MELK: variants seen among roughly 807,000 people sequenced by gnomAD.
MELK encodes pEg3 kinase.
MELK carries 81 observed loss-of-function variants against 85.0 expected under a neutral mutation model. The observed-to-expected ratio is 0.95, with a 90% CI of 0.80 to 1.15. The LOEUF is 1.15. Among genes scored for constraint, MELK ranks in the 50% most tolerant of loss-of-function variants. The pLI, the probability that MELK is intolerant of heterozygous loss-of-function variation, is 0.00. For missense variants in MELK, 754 were observed against 777.5 expected, an observed-to-expected ratio of 0.97 and a Z score of 0.36; for synonymous variants, 252 against 265.0, an observed-to-expected ratio of 0.95 and a Z score of 0.48.
Position 36,614,549 on chromosome 9 carries a change from A to G in MELK, c.666+6876A>G, listed in dbSNP as rs1587436152. ...AGGTCAGCAGATAAACAAGTGAACAAAGGTCTCTGGTTTTCCTAGGCAGAG... is the reference window on the plus strand; with the variant it reads ...AGGTCAGCAGATAAACAAGTGAACAGAGGTCTCTGGTTTTCCTAGGCAGAG... On this transcript the variant is annotated intron_variant, in intron 8 of 17. Transcript: ENST00000298048. 2.4e-5 allele frequency among the ~76,000 whole-genome samples: 3 copies of G among 122,594 alleles called. No homozygotes were observed. In the South Asian group the frequency reaches 9.1e-4, roughly 37 times the overall value. 80.4% of individuals were successfully genotyped at this position (122,594 alleles called of 152,430 possible). A position where few individuals can be genotyped will look rare whatever the true frequency, so the allele number is the denominator to read the frequency against.
At chr9:36,620,548 CTT>C (rs747925440) in intron 8 of MELK, among the ~76,000 whole-genome samples, 9,810 of 128,160 alleles carry the variant, frequency 0.077, 696 homozygotes, top group African/African-American at 0.26. Context: ...CATTCTCTTC[CTT>C]TTTTTTTTTT....
At chr9:36,573,460 A>G (rs1234053352) in intron 1 of MELK, among the ~76,000 whole-genome samples, 1 of 152,060 alleles carries the variant, frequency 6.6e-6, no homozygotes, top group African/African-American at 2.4e-5. Flanking sequence ...CTCTCCTATC[A>G]TCTCCCCAGA....
At chr9:36,594,489 T>G (rs1587363073) in intron 4 of MELK, 139 bp from the exon 5 acceptor site, 1 of 887,852 alleles carries the variant, frequency 1.1e-6, no homozygotes, top group East Asian at 2.7e-5. Flanking sequence ...AGTGTACTTT[T>G]GAATATACCT....
chr9:36,674,787 T>A (rs780196647), intron 16 of MELK, 47 bp from the exon 17 acceptor site: 1 of 1,110,204 alleles, frequency 9.0e-7, no homozygotes, highest in Non-Finnish European at 1.4e-6. Context: ...ATGGTCTTTG[T>A]GTTGATGTAA....
chr9:36,586,256 T>TAA lies in MELK; in HGVS notation c.144+2544_144+2545insAA, dbSNP rs562392313. On this transcript the variant is annotated intron_variant, in intron 3 of 17. Coordinates refer to ENST00000298048, the MANE Select transcript of MELK (RefSeq NM_014791.4). ...TACTTGCGGGGCTGAGGTGGGAAGA[T>TAA]CACTTGAGTCTGGGAGGTTGGGCTG... 3.5e-3 allele frequency among the ~76,000 whole-genome samples: 529 copies of TAA among 151,370 alleles called. 2 individuals carry two copies. Among genetic ancestry groups the TAA allele is most frequent in the African/African-American group, 0.012 (510 of 41,196 alleles).
intron 1 of MELK, among the ~76,000 whole-genome samples, chr9:36,580,821 C>T (rs184006995): frequency 4.8e-4 from 73 of 151,746 alleles, no homozygotes; most frequent in Non-Finnish European, 8.8e-4. Context: ...CTCCACCTCC[C>T]GGGTTCAAGC....
At chr9:36,596,582 TTTTTTTTG>T (rs1188108305) in intron 5 of MELK, among the ~76,000 whole-genome samples, 18 of 98,588 alleles carry the variant, frequency 1.8e-4, no homozygotes, top group African/African-American at 9.2e-4. Context: ...GTTTTTTTTG[TTTTTTTTG>T]TTTTTTTTTT....
At chr9:36,589,087 T>G (rs1823254732) in intron 3 of MELK, among the ~76,000 whole-genome samples, 1 of 152,140 alleles carries the variant, frequency 6.6e-6, no homozygotes, top group Non-Finnish European at 1.5e-5. Context: ...GCAAATAAAT[T>G]TTGCTATATT....
At chr9:36,667,154 C>CTTT (rs150628173) in intron 14 of MELK, among the ~76,000 whole-genome samples, 2 of 147,560 alleles carry the variant, frequency 1.4e-5, no homozygotes, top group African/African-American at 5.0e-5. Context: ...CCCTTTTTTT[C>CTTT]TTTTTTTTTT....
intron 8 of MELK, among the ~76,000 whole-genome samples, chr9:36,616,221 A>G (rs971456104): frequency 5.9e-5 from 9 of 152,196 alleles, no homozygotes. Flanking sequence ...TATGAATTCT[A>G]ACACATATAT....
intron 7 of MELK, among the ~76,000 whole-genome samples, chr9:36,606,510 A>T (rs1825529503): frequency 7.5e-6 from 1 of 133,834 alleles, no homozygotes; most frequent in Non-Finnish European, 1.6e-5. Context: ...ATAAATACAT[A>T]TGTATAGGTG....
chr9:36,614,484 G>GA (rs1365488626), intron 8 of MELK, among the ~76,000 whole-genome samples: 5 of 122,168 alleles, frequency 4.1e-5, no homozygotes, highest in Non-Finnish European at 4.9e-5. Context: ...GTTTCTCACA[G>GA]AGGGGGATTT....
intron 8 of MELK, among the ~76,000 whole-genome samples, chr9:36,612,531 G>A (rs997462481): frequency 1.3e-5 from 2 of 152,176 alleles, no homozygotes. Flanking sequence ...GATTACAGGC[G>A]AGTGCCACCA....
At chr9:36,654,681 C>T (rs1297632991) in intron 12 of MELK, among the ~76,000 whole-genome samples, 3 of 151,970 alleles carry the variant, frequency 2.0e-5, no homozygotes, top group South Asian at 2.1e-4. Context: ...CTGAATTGGC[C>T]TGGTCTCAAT....
chr9:36,620,651 A>T (rs566605875), intron 8 of MELK, among the ~76,000 whole-genome samples: 12 of 151,064 alleles, frequency 7.9e-5, no homozygotes, highest in African/African-American at 2.7e-4. Context: ...CCTGGGTTCA[A>T]GCGATTCTCC....
At chr9:36,605,584 T>C (rs749455144) in intron 7 of MELK, among the ~76,000 whole-genome samples, 5 of 152,054 alleles carry the variant, frequency 3.3e-5, no homozygotes, top group Non-Finnish European at 7.4e-5. Context: ...ATTTGACATC[T>C]CGGAGGCGTA....
chr9:36,656,728 A>G (rs1439394751), intron 12 of MELK, among the ~76,000 whole-genome samples: 1 of 151,988 alleles, frequency 6.6e-6, no homozygotes, highest in Non-Finnish European at 1.5e-5. Flanking sequence ...GGTGGACTCA[A>G]GTGATCCTCC....
At chr9:36,654,214 A>G (rs995765867) in intron 12 of MELK, among the ~76,000 whole-genome samples, 1 of 152,114 alleles carries the variant, frequency 6.6e-6, no homozygotes, top group African/African-American at 2.4e-5. Context: ...TGAATTTTGC[A>G]TCTGCTCAAG....
chr9:36,601,534 C>A (rs958005903), intron 7 of MELK, among the ~76,000 whole-genome samples: 10 of 152,110 alleles, frequency 6.6e-5, no homozygotes, highest in African/African-American at 2.4e-4. Context: ...TATCATAGTC[C>A]TGGAATCATG....
Sources: allele counts gnomAD v4.1 joint callset (sites outside exome capture counted in the v4.1 genomes callset), GRCh38; gene constraint gnomAD v4.1.1; transcripts MANE v1.5; gene names NCBI Gene and HGNC (gene_info 2026-07-23, HGNC 2026-07-21).